The following DGKH variants were observed in gnomAD, a reference collection of about 807,000 sequenced individuals.
The protein encoded by DGKH is diacylglycerol kinase eta.
A neutral mutation model predicts 159.3 loss-of-function variants in DGKH; 90 were observed. That is an observed-to-expected ratio of 0.57 (90% CI 0.48 to 0.67). The LOEUF is 0.67. Ranked by LOEUF, DGKH falls within the 30% of genes least tolerant of loss-of-function variation. The pLI, the probability that DGKH is intolerant of heterozygous loss-of-function variation, is 0.00. For missense variants in DGKH, 1,181 were observed against 1,506.1 expected (o/e 0.78, Z 3.57); for synonymous variants, 536 against 553.8 (o/e 0.97, Z 0.45).
chr13:42,097,165 C>CT, intron 1 of DGKH, among the ~76,000 whole-genome samples: 1 of 152,118 alleles, frequency 6.6e-6, no homozygotes, highest in East Asian at 1.9e-4. Context: ...ATTGTGTGGG[C>CT]TTTTTGTATT....
At chr13:42,168,948 G>A (rs1227866874) in intron 11 of DGKH, 130 bp downstream of exon 11, 2 of 1,025,076 alleles carry the variant, frequency 2.0e-6, no homozygotes, top group Admixed American at 5.9e-5. Flanking sequence ...GAGCCTTCCT[G>A]ATCTTGTCCA....
At chr13:42,153,612 A>C (rs1955971821) in intron 3 of DGKH, 2 of 152,256 alleles carry the variant, frequency 1.3e-5, no homozygotes, top group South Asian at 4.1e-4. Flanking sequence ...CATTAGAGCC[A>C]GGAGTGTATT....
intron 28 of DGKH, among the ~76,000 whole-genome samples, chr13:42,220,175 C>T (rs553511876): frequency 6.6e-6 from 1 of 152,256 alleles, no homozygotes; most frequent in African/African-American, 2.4e-5. Context: ...TGTTTTTCTT[C>T]TTTTAAGTAC....
intron 1 of DGKH, among the ~76,000 whole-genome samples, chr13:42,103,159 A>G (rs1163702635): frequency 6.6e-6 from 1 of 152,116 alleles, no homozygotes; most frequent in East Asian, 1.9e-4. Context: ...GGGTAATTGG[A>G]AGCCTTGTGG....
intron 1 of DGKH, among the ~76,000 whole-genome samples, chr13:42,084,816 T>C (rs1445471693): frequency 1.3e-5 from 2 of 152,168 alleles, no homozygotes; most frequent in Admixed American, 1.3e-4. Context: ...GCCACCTAGG[T>C]TCTAACCATA....
chr13:42,207,089 CTT>C (rs1428499676), intron 21 of DGKH, among the ~76,000 whole-genome samples: 1 of 129,722 alleles, frequency 7.7e-6, no homozygotes, highest in African/African-American at 3.0e-5. Context: ...TTCTTTCTTT[CTT>C]TCTTTCTTTC....
Position 42,198,556 on chromosome 13 carries a change from T to C in DGKH, c.2246T>C (p.Phe749Ser). 1 of 1,613,848 alleles carries C rather than the reference T, an allele frequency of 6.2e-7. No individual in the cohort carries two copies. ...NKMLLANIDP[F>S]GATPFIDPDL... ...ATGTTACTGGCAAACATTGATCCTT[T>C]TGGTGCCACGCCGTTTATTGACCCG... The change falls in exon 18 of 30, where the codon TTT becomes TCT. Residue 749 changes from phenylalanine (F) to serine (S), a missense_variant. Physicochemically the swap from Phe to Ser is radical, Grantham distance 155 (BLOSUM62 -2). Around this residue, in one of 5 missense-constraint regions of DGKH, gnomAD observed 257 missense variants for 281.5 expected, o/e 0.91. Coordinates refer to ENST00000337343, the MANE Select transcript of DGKH (RefSeq NM_178009.5).
intron 11 of DGKH, among the ~76,000 whole-genome samples, chr13:42,171,904 A>G (rs1956467730): frequency 7.2e-6 from 1 of 138,798 alleles, no homozygotes; most frequent in African/African-American, 2.7e-5. Context: ...ATCTTGCCTC[A>G]CTGCAAGCTC....
intron 1 of DGKH, among the ~76,000 whole-genome samples, chr13:42,062,348 G>A (rs1401188014): frequency 6.6e-6 from 1 of 152,090 alleles, no homozygotes; most frequent in African/African-American, 2.4e-5. Context: ...ATTCCACACT[G>A]TGTATTAAGC....
intron 12 of DGKH, among the ~76,000 whole-genome samples, chr13:42,175,130 A>G (rs1415209898): frequency 6.6e-6 from 1 of 152,206 alleles, no homozygotes; most frequent in Non-Finnish European, 1.5e-5. Flanking sequence ...TGTTTATTTT[A>G]CAGTTGAAAT....
Position 42,049,012 on chromosome 13 carries a change from T to C in DGKH, c.192+47T>C, listed in dbSNP as rs762343603. 3 of 1,172,332 alleles carry C rather than the reference T, an allele frequency of 2.6e-6. No individual in the cohort carries two copies. The Admixed American group carries it at 1.5e-4, about 57-fold the overall frequency. The allele number at this position is 1,172,332 out of a possible 1,614,324, so 72.6% of individuals were successfully genotyped here. A position where few individuals can be genotyped will look rare whatever the true frequency, so the allele number is the denominator to read the frequency against. ...TGAGGGCCGCGTGGAAAGCGGGAGG[T>C]GGAGAGGGCGCGGGGGCGCTGGAAC... On this transcript the variant is annotated intron_variant, in intron 1 of 29. Transcript: ENST00000337343.
intron 3 of DGKH, among the ~76,000 whole-genome samples, chr13:42,134,796 C>T (rs1368779250): frequency 1.3e-5 from 2 of 151,764 alleles, no homozygotes; most frequent in Non-Finnish European, 2.9e-5. Flanking sequence ...TGAGGCTAGG[C>T]GAACCCCCCT....
At chr13:42,184,843 G>A (rs1185369773) in intron 13 of DGKH, among the ~76,000 whole-genome samples, 1 of 151,124 alleles carries the variant, frequency 6.6e-6, no homozygotes, top group African/African-American at 2.4e-5. Context: ...CTCCAGCCTA[G>A]GCAACTGAGC....
At position 42,162,278 on chromosome 13, in the gene DGKH, A is replaced by G. The variant is rs147616240; in HGVS notation, c.855+2142A>G. ...GTAATCCCAGCACCTTGGGAGGCCAAGGCATGTGAATCACCTGAGGTCAGG... is the reference window on the plus strand; with the variant it reads ...GTAATCCCAGCACCTTGGGAGGCCAGGGCATGTGAATCACCTGAGGTCAGG... On this transcript the variant is annotated intron_variant, in intron 7 of 29. Transcript: ENST00000337343. Among the ~76,000 whole-genome samples the G allele has an allele frequency of 1.8e-3, 270 of 152,342 alleles. 4 individuals are homozygous for G. The East Asian group carries it at 0.043, about 24-fold the overall frequency.
chr13:42,246,246 T>C (rs190871092), downstream of DGKH, among the ~76,000 whole-genome samples: 14 of 152,286 alleles, frequency 9.2e-5, no homozygotes, highest in East Asian at 2.7e-3. Context: ...ATAATGGAGC[T>C]TGTCCCAAAG....
In DGKH at chr13:42,159,382, T is replaced by C. The variant is rs1175013176; in HGVS notation, c.729+10T>C. 2.5e-6 allele frequency: 4 copies of C among 1,572,784 alleles called. No individual in the cohort carries two copies. The highest frequency in any genetic ancestry group is 3.5e-6 in the Non-Finnish European group (4 of 1,143,098). Reference sequence around the variant, plus strand: ...AGAAGATGAAGATGGCGTAAGCTGCTGCTCTGTCTCTGCTCTCTTCCCACT... The same window carrying C: ...AGAAGATGAAGATGGCGTAAGCTGCCGCTCTGTCTCTGCTCTCTTCCCACT... On this transcript the variant is annotated intron_variant, in intron 6 of 29. Coordinates refer to ENST00000337343, the MANE Select transcript of DGKH (RefSeq NM_178009.5).
At chr13:42,170,242 G>A (rs897033313) in intron 11 of DGKH, among the ~76,000 whole-genome samples, 1 of 151,990 alleles carries the variant, frequency 6.6e-6, no homozygotes, top group Non-Finnish European at 1.5e-5. Flanking sequence ...CTTTCCCCTC[G>A]TGTGCTATAG....
At chr13:42,159,924 A>G (rs958682871) in intron 6 of DGKH, 87 bp from the exon 7 acceptor site, 3 of 1,593,984 alleles carry the variant, frequency 1.9e-6, no homozygotes, top group African/African-American at 2.7e-5. Flanking sequence ...CTGACCCTCT[A>G]GAGTGAGAAA....
intron 30 of DGKH, chr13:42,256,034 C>T (rs1215183532): frequency 7.3e-6 from 11 of 1,503,450 alleles, no homozygotes; most frequent in Non-Finnish European, 9.3e-7. Flanking sequence ...TATTCGTTTT[C>T]TGGGTTCTGG....
Sources: allele counts gnomAD v4.1 joint callset (sites outside exome capture counted in the v4.1 genomes callset), GRCh38; gene constraint gnomAD v4.1.1; regional missense constraint gnomAD v4.1.1; transcripts MANE v1.5; gene names NCBI Gene and HGNC (gene_info 2026-07-23, HGNC 2026-07-21).